The following GABARAPL2 variants were observed in gnomAD, a reference collection of about 807,000 sequenced individuals.
The protein encoded by GABARAPL2 is GABA type A receptor associated protein like 2.
A neutral mutation model predicts 16.9 loss-of-function variants in GABARAPL2; 11 were observed. That is an observed-to-expected ratio of 0.65 (90% CI 0.41 to 1.08). The LOEUF is 1.08. GABARAPL2 is among the 50% of genes least tolerant of loss of function. GABARAPL2 has a pLI of 0.00. For synonymous variants in GABARAPL2, 57 were observed against 50.7 expected (o/e 1.12, Z -0.53); for missense variants, 134 against 142.5 (o/e 0.94, Z 0.30).
chr16:75,569,903 A>C (rs2080905133), intron 3 of GABARAPL2, among the ~76,000 whole-genome samples: 1 of 152,254 alleles, frequency 6.6e-6, no homozygotes, highest in South Asian at 2.1e-4. Flanking sequence ...GTGAGAATCA[A>C]CCCTAAAGCA....
intron 3 of GABARAPL2, among the ~76,000 whole-genome samples, chr16:75,568,897 A>T (rs2080899105): frequency 6.6e-6 from 1 of 152,160 alleles, no homozygotes; most frequent in Non-Finnish European, 1.5e-5. Context: ...AGGAAAGTGG[A>T]TGGGCTCCGT....
intron 3 of GABARAPL2, among the ~76,000 whole-genome samples, chr16:75,570,389 G>C (rs879631334): frequency 5.9e-5 from 9 of 152,302 alleles, no homozygotes; most frequent in Admixed American, 3.9e-4. Context: ...CTGTGATTCA[G>C]CTTCACCATC....
chr16:75,573,595 TG>T (rs2080929486), intron 3 of GABARAPL2, among the ~76,000 whole-genome samples: 1 of 152,182 alleles, frequency 6.6e-6, no homozygotes, highest in Admixed American at 6.5e-5. Flanking sequence ...AATTACAAGA[TG>T]GGAAGGAGAG....
chr16:75,577,240 C>A, intron 3 of GABARAPL2, 39 bp from the exon 4 acceptor site: 1 of 1,303,776 alleles, frequency 7.7e-7, no homozygotes, highest in Non-Finnish European at 1.1e-6. Context: ...GAAACCTGGA[C>A]TCCAATTTTC....
At chr16:75,572,279 G>C (rs1427944963) in intron 3 of GABARAPL2, 2 of 152,252 alleles carry the variant, frequency 1.3e-5, no homozygotes, top group Admixed American at 6.5e-5. Context: ...TGACAGTAGT[G>C]GTCACTGCCC....
At chr16:75,566,620 G>A (rs867034055) in intron 1 of GABARAPL2, 100 bp downstream of exon 1, 2 of 1,361,090 alleles carry the variant, frequency 1.5e-6, no homozygotes, top group Non-Finnish European at 2.0e-6. Flanking sequence ...CGGGGCGGAT[G>A]CCCTGCTGCG....
At chr16:75,574,706 C>G (rs1053216103) in intron 3 of GABARAPL2, among the ~76,000 whole-genome samples, 1 of 152,078 alleles carries the variant, frequency 6.6e-6, no homozygotes, top group Non-Finnish European at 1.5e-5. Context: ...CCCTTCTCCC[C>G]CCCAACAAAA....
At position 75,568,215 on chromosome 16, in the gene GABARAPL2, A is replaced by C. The variant is rs772792179; in HGVS notation, c.263+6A>C. ...AAGACAGTCCCACAGTCCAGGTGAG[A>C]GGTGTTTACTAGATGGGCCCTCTGG... On this transcript the variant is annotated splice_donor_region_variant and intron_variant, in intron 3 of 3. Transcript: ENST00000037243. The C allele has an allele frequency of 6.3e-7, 1 of 1,584,310 alleles. No homozygotes were observed. Among genetic ancestry groups the C allele is most frequent in the South Asian group, 1.1e-5 (1 of 89,628 alleles).
rs1358806140 is a variant in GABARAPL2 at position 75,568,021 on chromosome 16, C to G, written c.91-16C>G. ...GCTTTAGGAAACACAGTCCTGACCT[C>G]TCTTTACTTTCCCAGGTGATTGTGG... On this transcript the variant is annotated splice_polypyrimidine_tract_variant and intron_variant, in intron 2 of 3. Transcript: ENST00000037243. The G allele has an allele frequency of 1.6e-5, 25 of 1,591,862 alleles. No homozygotes were observed. Among genetic ancestry groups the G allele is most frequent in the Non-Finnish European group, 1.9e-5 (22 of 1,162,800 alleles).
chr16:75,568,184 G>C lies in GABARAPL2; in HGVS notation c.238G>C (p.Val80Leu). 6.2e-7 allele frequency: 1 copy of C among 1,612,796 alleles called. No individual in the cohort carries two copies. The highest frequency in any genetic ancestry group is 8.5e-7 in the Non-Finnish European group (1 of 1,178,814). Residue 80 changes from valine (V) to leucine (L), a missense_variant, in exon 3 of 4, where the codon GTG (valine) becomes CTG (leucine). Physicochemically the swap from Val to Leu is conservative, Grantham distance 32 (BLOSUM62 1). Transcript: ENST00000037243. ...LPSEKAIFLF[V>L]DKTVPQSSLT... ...TTCTGAAAAGGCGATCTTCCTGTTT[G>C]TGGATAAGACAGTCCCACAGTCCAG...
chr16:75,568,444 C>T, intron 3 of GABARAPL2: 1 of 369,666 alleles, frequency 2.7e-6, no homozygotes, highest in Non-Finnish European at 4.9e-6. Context: ...GAAACTCAGC[C>T]TAAGATCTCC....
intron 3 of GABARAPL2, chr16:75,572,124 T>C (rs903014957): frequency 1.3e-5 from 2 of 152,070 alleles, no homozygotes; most frequent in African/African-American, 4.8e-5. Context: ...ATCACGCCAC[T>C]GCACTCCAGC....
rs1202018986 is a variant in GABARAPL2, at chr16:75,566,569, G to GGGCCCCCTCCCCCACTCGGGCGGCCC, written c.34+50_34+75dup. 22 of 1,595,056 alleles carry GGGCCCCCTCCCCCACTCGGGCGGCCC rather than the reference G, an allele frequency of 1.4e-5. No homozygotes were observed. The South Asian group carries it at 2.3e-4, about 17-fold the overall frequency. On this transcript the variant is annotated intron_variant, in intron 1 of 3. Coordinates refer to ENST00000037243, the MANE Select transcript of GABARAPL2 (RefSeq NM_007285.7). ...GCTGCTGGGGGCTGGGGCGGCGGGT[G>GGGCCCCCTCCCCCACTCGGGCGGCCC]GGCCCCCTCCCCCACTCGGGCGGCC...
intron 3 of GABARAPL2, among the ~76,000 whole-genome samples, chr16:75,573,435 C>A (rs1447197851): frequency 1.3e-5 from 2 of 152,204 alleles, no homozygotes; most frequent in African/African-American, 4.8e-5. Flanking sequence ...CAGCATTGAG[C>A]ATTCAGTTAC....
At chr16:75,568,247 A>G (rs1468488700) in intron 3 of GABARAPL2, 38 bp downstream of exon 3, 5 of 1,463,102 alleles carry the variant, frequency 3.4e-6, no homozygotes, top group Non-Finnish European at 4.7e-6. Context: ...CTGGTATTAG[A>G]CATCTGGTTG....
intron 2 of GABARAPL2, among the ~76,000 whole-genome samples, chr16:75,567,433 C>G (rs1209078021): frequency 6.6e-6 from 1 of 152,212 alleles, no homozygotes; most frequent in Non-Finnish European, 1.5e-5. Flanking sequence ...TGTTATATTT[C>G]TTCCATGGTT....
Position 75,566,766 on chromosome 16 carries a change from C to T in GABARAPL2, c.35-86C>T, listed in dbSNP as rs1343037798. ...CGCCGGAACCAGGGCCTGGGTTGTA[C>T]GCAGGGCGCAGGAGGAGGAGGGCCG... is the stretch of plus-strand genomic sequence containing the variant. On this transcript the variant is annotated intron_variant, in intron 1 of 3. Transcript: ENST00000037243. The T allele has an allele frequency of 6.2e-6, 8 of 1,295,062 alleles. No homozygotes were observed. The African/African-American group carries it at 8.7e-5, about 14-fold the overall frequency. 80.2% of individuals were successfully genotyped at this position (1,295,062 alleles called of 1,614,324 possible).
rs553555649 is a variant in GABARAPL2, at chr16:75,566,470, C to T, written c.-17C>T. On this transcript the variant is annotated 5_prime_UTR_variant, in exon 1 of 4. Transcript: ENST00000037243. ...CGCGGCTCCGCGAGCCGGTTCCGTC[C>T]CCTTCCCGCCGCCGCCATGAAGTGG... The T allele has an allele frequency of 5.6e-6, 9 of 1,600,616 alleles. No homozygotes were observed. The highest frequency in any genetic ancestry group is 6.0e-6 in the Non-Finnish European group (7 of 1,172,880).
intron 1 of GABARAPL2, 149 bp from the exon 2 acceptor site, chr16:75,566,703 C>A: frequency 1.0e-6 from 1 of 971,644 alleles, no homozygotes; most frequent in Non-Finnish European, 1.6e-6. Context: ...GCGGGCCTTG[C>A]TGGGAGCTAG....
Sources: gnomAD v4.1 joint callset for allele counts (sites outside exome capture counted in the v4.1 genomes callset) on GRCh38, gnomAD v4.1.1 for gene constraint, MANE v1.5 for transcripts, NCBI Gene and HGNC (gene_info 2026-07-23, HGNC 2026-07-21) for gene names.